The following ATRNL1 variants were observed in gnomAD, a reference collection of about 807,000 sequenced individuals.
ATRNL1 encodes the protein attractin like 1, also known as attractin-like protein 1.
In ATRNL1, 95 loss-of-function variants were observed where a neutral mutation model predicts 182.7. That is an observed-to-expected ratio of 0.52 (90% confidence interval 0.44 to 0.62). ATRNL1 has a LOEUF of 0.62. Among genes scored for constraint, ATRNL1 ranks in the 20% least tolerant of loss-of-function variants. The probability of loss-of-function intolerance (pLI) is 0.00; values close to 1 mark genes in which losing one functional copy is unlikely to be tolerated. For missense variants in ATRNL1, 1,471 were observed against 1,679.5 expected (o/e 0.88, Z 2.17); for synonymous variants, 576 against 568.3 (o/e 1.01, Z -0.19).
intron 28 of ATRNL1, among the ~76,000 whole-genome samples, chr10:115,924,629 C>A (rs914726970): frequency 6.6e-6 from 1 of 152,078 alleles, no homozygotes; most frequent in African/African-American, 2.4e-5. Context: ...GGTACCAGTA[C>A]CATGCTGTTT....
chr10:115,762,809 C>T (rs1192498027), intron 27 of ATRNL1, among the ~76,000 whole-genome samples: 2 of 151,958 alleles, frequency 1.3e-5, no homozygotes, highest in Non-Finnish European at 2.9e-5. Context: ...AATAACTTTA[C>T]TTTTGAATTT....
At chr10:115,879,515 A>G (rs190376325) in intron 28 of ATRNL1, among the ~76,000 whole-genome samples, 2 of 152,234 alleles carry the variant, frequency 1.3e-5, no homozygotes, top group Admixed American at 1.3e-4. Context: ...AAACCAAAAG[A>G]TGGGTGTAGA....
At position 115,389,596 on chromosome 10, in the gene ATRNL1, TCCA is replaced by T. The variant is rs1564990411; in HGVS notation, c.3176-5062_3176-5060del. Reference sequence around the variant, plus strand: ...TATATATATATATATATATATTTCATCCAATGATGGACACCTAGGTTGCATCTA... The same window carrying T: ...TATATATATATATATATATATTTCATATGATGGACACCTAGGTTGCATCTA... On this transcript the variant is annotated intron_variant, in intron 19 of 28. Coordinates refer to ENST00000355044, the MANE Select transcript of ATRNL1 (RefSeq NM_207303.4). Among the ~76,000 whole-genome samples the T allele has an allele frequency of 1.3e-3, 120 of 92,978 alleles. 8 individuals carry two copies. Among genetic ancestry groups the T allele is most frequent in the African/African-American group, 4.2e-3 (114 of 26,942 alleles). The allele number at this position is 92,978 out of a possible 152,430, so 61.0% of individuals were successfully genotyped here.
intron 27 of ATRNL1, among the ~76,000 whole-genome samples, chr10:115,736,083 G>A (rs1204902748): frequency 1.0e-4 from 1 of 9,898 alleles, no homozygotes; most frequent in Admixed American, 2.2e-3. Context: ...CCAAGTCTTT[G>A]GTTATTTCTA....
At chr10:115,441,388 C>T (rs1846672894) in intron 21 of ATRNL1, among the ~76,000 whole-genome samples, 1 of 151,948 alleles carries the variant, frequency 6.6e-6, no homozygotes, top group African/African-American at 2.4e-5. Flanking sequence ...TCAATCCCCA[C>T]AACTCCATAG....
At chr10:115,880,440 A>G (rs1170304652) in intron 28 of ATRNL1, among the ~76,000 whole-genome samples, 3 of 152,184 alleles carry the variant, frequency 2.0e-5, no homozygotes, top group African/African-American at 7.2e-5. Context: ...CCTGGCCAAC[A>G]TGGTGAAACC....
At chr10:115,768,909 G>T (rs1180255673) in intron 27 of ATRNL1, among the ~76,000 whole-genome samples, 1 of 151,944 alleles carries the variant, frequency 6.6e-6, no homozygotes, top group Admixed American at 6.6e-5. Flanking sequence ...ATTAAGTTCT[G>T]TATCTTTAAA....
At chr10:115,528,893 G>A (rs1446868599) in intron 25 of ATRNL1, among the ~76,000 whole-genome samples, 1 of 152,068 alleles carries the variant, frequency 6.6e-6, no homozygotes, top group Admixed American at 6.6e-5. Flanking sequence ...TCAAATGTGT[G>A]TTGGTAATTT....
chr10:115,350,406 G>T (rs551489282), intron 19 of ATRNL1, among the ~76,000 whole-genome samples: 1 of 148,844 alleles, frequency 6.7e-6, no homozygotes, highest in East Asian at 2.0e-4. Flanking sequence ...CAAAGTTTCA[G>T]GTCTTACATT....
At chr10:115,370,034 G>C (rs1857307397) in intron 19 of ATRNL1, among the ~76,000 whole-genome samples, 1 of 152,176 alleles carries the variant, frequency 6.6e-6, no homozygotes, top group Admixed American at 6.5e-5. Context: ...TCTTGTCATA[G>C]TGAATAAGTC....
At chr10:115,926,236 A>G (rs948384955) in intron 28 of ATRNL1, among the ~76,000 whole-genome samples, 15 of 152,302 alleles carry the variant, frequency 9.8e-5, no homozygotes, top group Admixed American at 8.5e-4. Context: ...TCATACCAGA[A>G]TCTCTGAGAC....
At chr10:115,346,632 T>A (rs1309256631) in intron 19 of ATRNL1, among the ~76,000 whole-genome samples, 1 of 152,174 alleles carries the variant, frequency 6.6e-6, no homozygotes, top group Non-Finnish European at 1.5e-5. Flanking sequence ...CTTACAAATA[T>A]CTTTGTGAGT....
intron 1 of ATRNL1, among the ~76,000 whole-genome samples, chr10:115,095,374 T>A (rs1222667155): frequency 1.1e-4 from 16 of 148,590 alleles, no homozygotes; most frequent in South Asian, 2.1e-4. Context: ...TTTTTTTTTT[T>A]TAAAAAAAAA....
chr10:115,581,224 T>C (rs1855052563), intron 26 of ATRNL1, among the ~76,000 whole-genome samples: 1 of 152,152 alleles, frequency 6.6e-6, no homozygotes, highest in South Asian at 2.1e-4. Flanking sequence ...GCCCCAACTT[T>C]TATGCTTATC....
intron 28 of ATRNL1, among the ~76,000 whole-genome samples, chr10:115,882,267 C>T (rs1469989901): frequency 1.3e-5 from 2 of 152,154 alleles, no homozygotes; most frequent in Non-Finnish European, 2.9e-5. Context: ...CTGCAGGGTG[C>T]CCACACTAGT....
At chr10:115,519,936 G>A (rs1437491224) in intron 25 of ATRNL1, among the ~76,000 whole-genome samples, 3 of 152,126 alleles carry the variant, frequency 2.0e-5, no homozygotes, top group African/African-American at 4.8e-5. Context: ...TCATTTCCAT[G>A]GGATGTAAAT....
At chr10:115,644,746 C>T (rs1555031637) in intron 26 of ATRNL1, among the ~76,000 whole-genome samples, 1 of 152,160 alleles carries the variant, frequency 6.6e-6, no homozygotes, top group African/African-American at 2.4e-5. Context: ...AATGCCTCTC[C>T]TCATCTGTAT....
At chr10:115,094,743 G>A (rs2084970319) in intron 1 of ATRNL1, among the ~76,000 whole-genome samples, 1 of 152,204 alleles carries the variant, frequency 6.6e-6, no homozygotes, top group Non-Finnish European at 1.5e-5. Context: ...TAAGGGCCGA[G>A]TTATGATTCC....
chr10:115,169,176 A>G (rs1847182514), intron 7 of ATRNL1, among the ~76,000 whole-genome samples: 1 of 140,952 alleles, frequency 7.1e-6, no homozygotes, highest in Non-Finnish European at 1.6e-5. Context: ...TATTCCATTG[A>G]TTTATCCCAG....
Sources: allele counts gnomAD v4.1 joint callset (sites outside exome capture counted in the v4.1 genomes callset), GRCh38; gene constraint gnomAD v4.1.1; transcripts MANE v1.5; gene names NCBI Gene and HGNC (gene_info 2026-07-23, HGNC 2026-07-21).